The following MTCH1 variants were observed in gnomAD, a reference collection of about 807,000 sequenced individuals.
MTCH1 encodes the protein mitochondrial carrier homolog 1.
Under a neutral mutation model 49.3 loss-of-function variants are expected in MTCH1, and 23 were observed. The observed-to-expected ratio is 0.47, with a 90% CI of 0.34 to 0.66. The LOEUF (loss-of-function observed/expected upper bound fraction) is 0.66, where lower values mean the gene tolerates loss of function less well. Ranked by LOEUF, MTCH1 falls within the 30% of genes least tolerant of loss-of-function variation. The pLI is 0.01. For synonymous variants in MTCH1, 229 were observed against 215.2 expected (o/e 1.06, Z -0.56); for missense variants, 397 against 532.1 (o/e 0.75, Z 2.50).
At chr6:36,984,227 C>T (rs1160860517) in intron 1 of MTCH1, among the ~76,000 whole-genome samples, 1 of 152,152 alleles carries the variant, frequency 6.6e-6, no homozygotes, top group African/African-American at 2.4e-5. Context: ...CAATTTATCT[C>T]CCAAACTTCA....
At chr6:36,975,986 A>G (rs1763865703) in intron 6 of MTCH1, among the ~76,000 whole-genome samples, 1 of 152,152 alleles carries the variant, frequency 6.6e-6, no homozygotes, top group Non-Finnish European at 1.5e-5. Flanking sequence ...TTTCTGGGAG[A>G]TAGGAGTTTA....
chr6:36,985,798 G>A, intron 1 of MTCH1, 55 bp downstream of exon 1: 1 of 1,516,864 alleles, frequency 6.6e-7, no homozygotes, highest in Non-Finnish European at 8.9e-7. Flanking sequence ...CCAAATCCTG[G>A]CCTGTCACCT....
chr6:36,978,676 A>T, intron 2 of MTCH1, 65 bp from the exon 3 acceptor site: 1 of 1,398,276 alleles, frequency 7.2e-7, no homozygotes, highest in Non-Finnish European at 1.0e-6. Flanking sequence ...CCTGGGTCAC[A>T]CACACCCAGA....
chr6:36,979,601 G>A (rs1287118994), intron 2 of MTCH1, among the ~76,000 whole-genome samples: 1 of 152,200 alleles, frequency 6.6e-6, no homozygotes, highest in Non-Finnish European at 1.5e-5. Flanking sequence ...TCATGAGGCT[G>A]AGAACACCTG....
Position 36,986,043 on chromosome 6 carries a change from G to A in MTCH1, c.131C>T (p.Pro44Leu), listed in dbSNP as rs1206444410. ...GCGAGGATGTGCGCGGTGCGCGGGC[G>A]GTGGATCGCGAGCTCGAGCCTCGAC... ...AGVEARARDP[P>L]PAHRAHPRHP... The change falls in exon 1 of 12, where the codon CCG (proline) becomes CTG (leucine). Residue 44 changes from proline to leucine, a missense_variant. Physicochemically the swap from Pro to Leu is moderately conservative, Grantham distance 98. Transcript: ENST00000373627. 1.3e-5 allele frequency: 20 copies of A among 1,486,426 alleles called. No homozygotes were observed. The highest frequency in any genetic ancestry group is 4.7e-5 in the Admixed American group (2 of 42,686). The allele number at this position is 1,486,426 out of a possible 1,614,324, so 92.1% of individuals were successfully genotyped here.
chr6:36,975,818 C>G, intron 6 of MTCH1, 101 bp from the exon 7 acceptor site: 1 of 1,069,144 alleles, frequency 9.4e-7, no homozygotes, highest in South Asian at 1.3e-5. Context: ...TCAAATCCAG[C>G]CAGTCCTGGC....
rs750263128 is a variant in MTCH1, at chr6:36,977,214, C to T, written c.686G>A (p.Arg229Gln). 31 of 1,613,828 alleles carry T rather than the reference C, an allele frequency of 1.9e-5. No homozygotes were observed. Among genetic ancestry groups the T allele is most frequent in the East Asian group, 2.2e-5 (1 of 44,892 alleles). ...SMRCMVQFVG[R>Q]EAKYSGVLSS... The stretch of plus-strand genomic sequence containing the variant: ...AGTTACCCACCTGTACTTGGCCTCC[C>T]GTCCCACAAACTGGACCATGCAGCG... The change falls in exon 6 of 12, where the codon CGG becomes CAG. Residue 229 changes from arginine to glutamine, a missense_variant. By Grantham distance (43) the Arg-to-Gln change is conservative. Transcript: ENST00000373627. This position sits in a 1 kb window ranked among gnomAD's most constrained non-coding sequence, Gnocchi z 5.4.
chr6:36,978,042 C>A (rs773834791), intron 4 of MTCH1, 36 bp downstream of exon 4: 1 of 1,557,548 alleles, frequency 6.4e-7, no homozygotes, highest in East Asian at 2.2e-5. Flanking sequence ...AGGCTCCCCT[C>A]CACGCACCTC....
At chr6:36,973,597 T>A (rs1191981504) in intron 7 of MTCH1, among the ~76,000 whole-genome samples, 2 of 152,268 alleles carry the variant, frequency 1.3e-5, no homozygotes, top group Non-Finnish European at 2.9e-5. Context: ...TTGTCGTCCC[T>A]GCCTGTGCTC....
At chr6:36,978,875 CTTTTT>C (rs11322816) in intron 2 of MTCH1, among the ~76,000 whole-genome samples, 6 of 100,420 alleles carry the variant, frequency 6.0e-5, no homozygotes, top group Admixed American at 1.2e-4. Context: ...TCCCTCCCTC[CTTTTT>C]TTTTTTTTTT....
intron 11 of MTCH1, chr6:36,969,750 T>G (rs1763605155): frequency 3.1e-6 from 4 of 1,294,434 alleles, no homozygotes; most frequent in Admixed American, 3.2e-5. Flanking sequence ...ACCTGCCACC[T>G]GGGCCAGAGT....
chr6:36,974,662 G>A (rs1437986090), intron 7 of MTCH1, among the ~76,000 whole-genome samples: 1 of 152,068 alleles, frequency 6.6e-6, no homozygotes, highest in Admixed American at 6.5e-5. Flanking sequence ...ATGTTCCCCG[G>A]GGAGCAAAAT....
intron 1 of MTCH1, 100 bp from the exon 2 acceptor site, chr6:36,981,772 C>T: frequency 2.1e-6 from 2 of 963,176 alleles, no homozygotes; most frequent in Non-Finnish European, 3.0e-6. Flanking sequence ...TAACTCTTCT[C>T]CCACAAATTC....
At chr6:36,974,299 C>T (rs1483733503) in intron 7 of MTCH1, among the ~76,000 whole-genome samples, 1 of 152,128 alleles carries the variant, frequency 6.6e-6, no homozygotes, top group Non-Finnish European at 1.5e-5. Flanking sequence ...CTCCTGGGCT[C>T]AAGCCATCCT....
At chr6:36,978,706 CAGGTAACTGCTGACTACAGGCACAGA>C (rs1372093228) in intron 2 of MTCH1, 95 bp from the exon 3 acceptor site, 2 of 1,050,898 alleles carry the variant, frequency 1.9e-6, no homozygotes, top group Non-Finnish European at 2.9e-6. Flanking sequence ...GCTTGTCCTT[CAGGTAACTGCTGACTACAGGCACAGA>C]AGGTAACATC....
chr6:36,984,764 C>T (rs943108993), intron 1 of MTCH1, among the ~76,000 whole-genome samples: 2 of 152,166 alleles, frequency 1.3e-5, no homozygotes, highest in African/African-American at 2.4e-5. Context: ...CTGGCCACCA[C>T]CAAATCTGCC....
At chr6:36,986,287 T>A, upstream of MTCH1, 1 of 1,031,116 alleles carries the variant, frequency 9.7e-7, no homozygotes, top group Non-Finnish European at 1.3e-6. Flanking sequence ...CTCGGGAGCG[T>A]GGTGCGGCGG....
intron 2 of MTCH1, among the ~76,000 whole-genome samples, chr6:36,981,190 A>AC (rs977104248): frequency 1.1e-4 from 16 of 151,456 alleles, no homozygotes; most frequent in Non-Finnish European, 2.1e-4. Flanking sequence ...ACTCAAGAGG[A>AC]CCCCCCGGGC....
chr6:36,976,365 C>CTA, intron 6 of MTCH1: 3 of 360,676 alleles, frequency 8.3e-6, no homozygotes, highest in South Asian at 6.4e-5. Context: ...TAACAACCTA[C>CTA]TAACAGAGGG....
Sources: gnomAD v4.1 joint callset for allele counts (sites outside exome capture counted in the v4.1 genomes callset) on GRCh38, gnomAD v4.1.1 for gene constraint, Gnocchi (gnomAD v3.1) non-coding constraint, MANE v1.5 for transcripts, NCBI Gene and HGNC (gene_info 2026-07-23, HGNC 2026-07-21) for gene names.